The following CSMD1 variants were observed in gnomAD, a reference collection of about 807,000 sequenced individuals.
CSMD1 encodes the protein CUB and Sushi multiple domains 1.
In CSMD1, 213 loss-of-function variants were observed where a neutral mutation model predicts 417.5. That is an observed-to-expected ratio of 0.51 (90% confidence interval 0.46 to 0.57). The LOEUF (loss-of-function observed/expected upper bound fraction) is 0.57. CSMD1 is among the 20% of genes least tolerant of loss of function. The pLI is 0.00. For synonymous variants in CSMD1, 2,862 were observed against 1,736.8 expected (o/e 1.65, Z -16.11); for missense variants, 6,923 against 4,529.7 (o/e 1.53, Z -15.17).
chr8:3,263,014 TCTC>T (rs1801190797), intron 26 of CSMD1, among the ~76,000 whole-genome samples: 1 of 152,192 alleles, frequency 6.6e-6, no homozygotes, highest in South Asian at 2.1e-4. Flanking sequence ...AGGCAATAAA[TCTC>T]CTTGACCCAT....
chr8:4,890,746 T>C (rs1299316424), intron 1 of CSMD1, among the ~76,000 whole-genome samples: 8 of 152,140 alleles, frequency 5.3e-5, no homozygotes, highest in Admixed American at 2.0e-4. Context: ...GTGTTTGCAA[T>C]TGAAAGTCAT....
chr8:4,340,710 A>C (rs1322843284), intron 3 of CSMD1, among the ~76,000 whole-genome samples: 1 of 152,098 alleles, frequency 6.6e-6, no homozygotes, highest in African/African-American at 2.4e-5. Flanking sequence ...TTTAAACAAA[A>C]TATCAGCACG....
chr8:3,829,904 T>G (rs1191276631), intron 5 of CSMD1, among the ~76,000 whole-genome samples: 1 of 152,164 alleles, frequency 6.6e-6, no homozygotes, highest in Non-Finnish European at 1.5e-5. Flanking sequence ...ATAGATCTAT[T>G]GGGAAAATGA....
chr8:4,806,492 A>C (rs1798596242), intron 1 of CSMD1, among the ~76,000 whole-genome samples: 3 of 152,278 alleles, frequency 2.0e-5, no homozygotes, highest in Admixed American at 2.0e-4. Flanking sequence ...TATTTAGTTT[A>C]CATTGCATTC....
At chr8:4,172,714 G>C (rs1030509285) in intron 3 of CSMD1, among the ~76,000 whole-genome samples, 2 of 152,262 alleles carry the variant, frequency 1.3e-5, no homozygotes, top group Middle Eastern at 3.4e-3. Context: ...AAAGTGACAG[G>C]ATATCACTTG....
At chr8:4,010,595 T>TCC (rs1306925743) in intron 4 of CSMD1, among the ~76,000 whole-genome samples, 1 of 149,948 alleles carries the variant, frequency 6.7e-6, no homozygotes, top group Non-Finnish European at 1.5e-5. Context: ...CTGACTACAT[T>TCC]CTGAGCCCAA....
chr8:3,406,073 C>T lies in CSMD1; in HGVS notation c.2220G>A (p.Leu740=), dbSNP rs757041246. The T allele has an allele frequency of 6.2e-7, 1 of 1,613,942 alleles. No homozygotes were observed. Among genetic ancestry groups the T allele is most frequent in the South Asian group, 1.1e-5 (1 of 91,082 alleles). ...TQGSESITCI[L]QDGNVVWSST... is the part of the protein sequence containing the mutation. ...AGCTCCAGACCACGTTCCCGTCTTG[C>T]AGTATGCAGGTAATGGACTCGGATC... The change falls in exon 15 of 70, where the codon CTG becomes CTA. Residue 740 remains leucine, a synonymous_variant. Transcript: ENST00000635120.
At chr8:4,813,229 G>A (rs1004102113) in intron 1 of CSMD1, among the ~76,000 whole-genome samples, 4 of 152,102 alleles carry the variant, frequency 2.6e-5, no homozygotes, top group Non-Finnish European at 1.5e-5. Flanking sequence ...GAGCAAATGT[G>A]CTTAGAAAAA....
At chr8:3,137,986 A>G (rs1356698811) in intron 41 of CSMD1, among the ~76,000 whole-genome samples, 1 of 152,198 alleles carries the variant, frequency 6.6e-6, no homozygotes, top group Admixed American at 6.5e-5. Flanking sequence ...GCACTTTGGG[A>G]GGATGAGGAG....
chr8:3,839,951 T>G (rs146241127), intron 5 of CSMD1, among the ~76,000 whole-genome samples: 4 of 152,174 alleles, frequency 2.6e-5, no homozygotes, highest in African/African-American at 9.6e-5. Flanking sequence ...CTCTGGATAT[T>G]TGGAGACTGA....
chr8:3,062,399 T>C (rs1812647482), intron 49 of CSMD1, among the ~76,000 whole-genome samples: 1 of 152,046 alleles, frequency 6.6e-6, no homozygotes, highest in African/African-American at 2.4e-5. Flanking sequence ...ATGTCGGGTG[T>C]TTCCAAGGAG....
intron 5 of CSMD1, among the ~76,000 whole-genome samples, chr8:3,975,157 T>C (rs1813345675): frequency 6.6e-6 from 1 of 152,214 alleles, no homozygotes; most frequent in African/African-American, 2.4e-5. Flanking sequence ...GAGGCATGCC[T>C]CATCTTACAG....
At chr8:4,458,794 ATTT>A (rs34057291) in intron 2 of CSMD1, among the ~76,000 whole-genome samples, 5 of 152,068 alleles carry the variant, frequency 3.3e-5, no homozygotes, top group African/African-American at 4.8e-5. Flanking sequence ...GGAATATTTA[ATTT>A]TTTTTAACAA....
intron 3 of CSMD1, among the ~76,000 whole-genome samples, chr8:4,292,920 A>G (rs1797451275): frequency 6.6e-6 from 1 of 152,190 alleles, no homozygotes; most frequent in South Asian, 2.1e-4. Flanking sequence ...AAATTCATGG[A>G]TAGTATTAAC....
chr8:4,585,541 G>C (rs1434171964), intron 2 of CSMD1, among the ~76,000 whole-genome samples: 1 of 152,108 alleles, frequency 6.6e-6, no homozygotes, highest in African/African-American at 2.4e-5. Context: ...TACTGTAACT[G>C]ATTAGAGACT....
At chr8:4,326,114 C>G (rs931609492) in intron 3 of CSMD1, among the ~76,000 whole-genome samples, 2 of 152,108 alleles carry the variant, frequency 1.3e-5, no homozygotes, top group Non-Finnish European at 2.9e-5. Flanking sequence ...GAGCTCAGGG[C>G]CCTACCGTCA....
intron 7 of CSMD1, among the ~76,000 whole-genome samples, chr8:3,690,132 G>C (rs996054506): frequency 2.6e-5 from 4 of 152,188 alleles, no homozygotes; most frequent in Non-Finnish European, 4.4e-5. Context: ...GCTGAGACCG[G>C]AGGATCACTT....
At chr8:4,738,827 G>A (rs1810411923) in intron 1 of CSMD1, among the ~76,000 whole-genome samples, 1 of 151,904 alleles carries the variant, frequency 6.6e-6, no homozygotes, top group African/African-American at 2.4e-5. Flanking sequence ...ACTACAGATG[G>A]AGAATAGAAA....
At chr8:4,163,815 C>T (rs1797299844) in intron 3 of CSMD1, among the ~76,000 whole-genome samples, 1 of 152,158 alleles carries the variant, frequency 6.6e-6, no homozygotes, top group Admixed American at 6.5e-5. Context: ...TAATTTTCTA[C>T]ACCTATACCC....
Sources: gnomAD v4.1 joint callset for allele counts (sites outside exome capture counted in the v4.1 genomes callset) on GRCh38, gnomAD v4.1.1 for gene constraint, MANE v1.5 for transcripts, NCBI Gene and HGNC (gene_info 2026-07-23, HGNC 2026-07-21) for gene names.